Variants in CNST observed in about 807,000 individuals in gnomAD.
The protein encoded by CNST is consortin.
In CNST, 39 loss-of-function variants were observed where a neutral mutation model predicts 72.4. That is an observed-to-expected ratio of 0.54 (90% CI 0.42 to 0.70). The LOEUF is 0.70. Among genes scored for constraint, CNST ranks in the 30% least tolerant of loss-of-function variants. The pLI is 0.00. For synonymous variants in CNST, 332 were observed against 320.1 expected, an observed-to-expected ratio of 1.04 and a Z score of -0.40; for missense variants, 871 against 868.5, an observed-to-expected ratio of 1.00 and a Z score of -0.04.
Position 246,646,279 on chromosome 1 carries a change from C to CAAAA in CNST, c.938-848_938-845dup, listed in dbSNP as rs550697329. Reference sequence around the variant, plus strand: ...TGGGTGACAGAGCGAAACTCCGTCTCAAAAAAAAAAAAAAAGTTGCAAGTA... The same window carrying CAAAA: ...TGGGTGACAGAGCGAAACTCCGTCTCAAAAAAAAAAAAAAAAAAAGTTGCAAGTA... On this transcript the variant is annotated intron_variant, in intron 8 of 10. Coordinates refer to ENST00000366513, the MANE Select transcript of CNST (RefSeq NM_152609.3). Among the ~76,000 whole-genome samples the CAAAA allele has an allele frequency of 1.6e-4, 16 of 99,402 alleles. 1 individual carries two copies. The highest frequency in any genetic ancestry group is 1.1e-3 in the East Asian group (3 of 2,836). The allele number at this position is 99,402 out of a possible 152,430, so 65.2% of individuals were successfully genotyped here.
intron 1 of CNST, among the ~76,000 whole-genome samples, chr1:246,575,445 G>C (rs1346624884): frequency 6.6e-6 from 1 of 152,200 alleles, no homozygotes. Context: ...AACATGCTGA[G>C]TGAAAGAAGC....
rs78902654 is a variant in CNST, at chr1:246,625,799, C to T, written c.585+4165C>T. On this transcript the variant is annotated intron_variant, in intron 3 of 10. Coordinates refer to ENST00000366513, the MANE Select transcript of CNST (RefSeq NM_152609.3). ...TAGGTAACATTCCATACCCAATTCT[C>T]TCTTGAACTGATTCTAATCTGGTTT... Among the ~76,000 whole-genome samples the T allele has an allele frequency of 3.3e-4, 51 of 152,258 alleles. No homozygotes were observed. In the East Asian group the frequency reaches 9.5e-3, roughly 28 times the overall value.
chr1:246,608,481 T>A (rs1663075592), intron 2 of CNST, among the ~76,000 whole-genome samples: 1 of 152,216 alleles, frequency 6.6e-6, no homozygotes. Flanking sequence ...AAGTAGAGAA[T>A]CCAAACATTA....
rs760039475 is a variant in CNST, at chr1:246,660,222, C to T, written c.1860C>T (p.Val620=). 4 of 1,611,148 alleles carry T rather than the reference C, an allele frequency of 2.5e-6. No individual in the cohort carries two copies. The East Asian group carries it at 6.7e-5, about 27-fold the overall frequency. ...AGGTTGTTCCTACTGAAGGATTGGT[C>T]TCCATATTAAAGAAGAGGAATGATA... The part of the protein sequence containing the change: ...IAEVVPTEGL[V]SILKKRNDTV... The change falls in exon 10 of 11, where the codon GTC becomes GTT. Residue 620 remains valine, a synonymous_variant. Coordinates refer to ENST00000366513, the MANE Select transcript of CNST (RefSeq NM_152609.3).
intron 1 of CNST, among the ~76,000 whole-genome samples, chr1:246,575,889 T>C (rs986997274): frequency 1.2e-4 from 19 of 152,086 alleles, no homozygotes; most frequent in Non-Finnish European, 2.6e-4. Context: ...TATAAGCTTA[T>C]TCAAGAACAA....
At chr1:246,573,778 G>T in intron 1 of CNST, among the ~76,000 whole-genome samples, 1 of 152,208 alleles carries the variant, frequency 6.6e-6, no homozygotes, top group East Asian at 1.9e-4. Flanking sequence ...CCATGTACTT[G>T]TGTAACGCTT....
At chr1:246,634,257 A>G (rs1209223235) in intron 5 of CNST, 3 of 561,346 alleles carry the variant, frequency 5.3e-6, no homozygotes, top group Non-Finnish European at 9.3e-6. Context: ...CATTTTTCCT[A>G]ATCACATTTC....
chr1:246,580,971 T>C (rs933939219), intron 1 of CNST, among the ~76,000 whole-genome samples: 4 of 152,132 alleles, frequency 2.6e-5, no homozygotes, highest in African/African-American at 9.7e-5. Context: ...GCTCCTGACC[T>C]CAAGTGATCC....
At chr1:246,646,879 T>G (rs1191538713) in intron 8 of CNST, among the ~76,000 whole-genome samples, 2 of 152,192 alleles carry the variant, frequency 1.3e-5, no homozygotes, top group African/African-American at 2.4e-5. Context: ...CCTTTGAAAA[T>G]GACTTTGTTG....
rs1315831000 is a variant in CNST at position 246,609,733 on chromosome 1, C to G, written c.380-11696C>G. On this transcript the variant is annotated intron_variant, in intron 2 of 10. Coordinates refer to ENST00000366513, the MANE Select transcript of CNST (RefSeq NM_152609.3). ...GCGTGTGTTAAAATTTATTTCTGAT[C>G]TGCCTTCCAAAATTATGCCCAAGAT... is the stretch of plus-strand genomic sequence containing the variant. Among the ~76,000 whole-genome samples, 5 of 152,340 alleles carry G rather than the reference C, an allele frequency of 3.3e-5. No individual in the cohort carries two copies. The East Asian group carries it at 9.6e-4, about 29-fold the overall frequency.
chr1:246,665,644 A>G (rs1667357898), intron 10 of CNST, 56 bp from the exon 11 acceptor site: 1 of 1,395,646 alleles, frequency 7.2e-7, no homozygotes, highest in Middle Eastern at 2.5e-4. Context: ...AAGACAGCAG[A>G]TGCTAAGATT....
chr1:246,635,180 G>A (rs1665112045), intron 6 of CNST, among the ~76,000 whole-genome samples: 1 of 152,108 alleles, frequency 6.6e-6, no homozygotes, highest in African/African-American at 2.4e-5. Context: ...TACTTCAGGT[G>A]TGACATAGAG....
At chr1:246,578,819 A>G (rs1396362123) in intron 1 of CNST, among the ~76,000 whole-genome samples, 1 of 152,206 alleles carries the variant, frequency 6.6e-6, no homozygotes, top group Admixed American at 6.5e-5. Context: ...TCTGCCCTAC[A>G]TACCACAAGC....
chr1:246,616,223 A>G (rs1663679050), intron 2 of CNST, among the ~76,000 whole-genome samples: 2 of 152,274 alleles, frequency 1.3e-5, no homozygotes, highest in South Asian at 4.1e-4. Flanking sequence ...CTCCTTAACT[A>G]TAAATATATC....
intron 2 of CNST, among the ~76,000 whole-genome samples, chr1:246,615,950 C>G (rs1424521026): frequency 1.3e-5 from 2 of 151,944 alleles, no homozygotes; most frequent in Non-Finnish European, 2.9e-5. Context: ...CATTTTAGAG[C>G]TTAATGAAGT....
At chr1:246,643,541 A>C (rs1398526152) in intron 8 of CNST, among the ~76,000 whole-genome samples, 1 of 152,204 alleles carries the variant, frequency 6.6e-6, no homozygotes, top group Non-Finnish European at 1.5e-5. Context: ...GTCATGTGGT[A>C]CAGATGGGGA....
chr1:246,612,937 A>C (rs1663431691), intron 2 of CNST, among the ~76,000 whole-genome samples: 1 of 152,180 alleles, frequency 6.6e-6, no homozygotes, highest in Admixed American at 6.5e-5. Context: ...TACAAAGCTT[A>C]ACTAATTGAA....
At chr1:246,592,331 A>T (rs1661598382) in intron 2 of CNST, among the ~76,000 whole-genome samples, 1 of 152,182 alleles carries the variant, frequency 6.6e-6, no homozygotes, top group South Asian at 2.1e-4. Context: ...TACTAAAAAT[A>T]CAAAAAATGA....
At chr1:246,651,401 T>G (rs1666440517) in intron 9 of CNST, among the ~76,000 whole-genome samples, 1 of 152,170 alleles carries the variant, frequency 6.6e-6, no homozygotes. Flanking sequence ...GCTGGTTTGT[T>G]CTTTCTTTGC....
Sources: allele counts gnomAD v4.1 joint callset (sites outside exome capture counted in the v4.1 genomes callset), GRCh38; gene constraint gnomAD v4.1.1; transcripts MANE v1.5; gene names NCBI Gene and HGNC (gene_info 2026-07-23, HGNC 2026-07-21).